The following ATP9B variants were observed in gnomAD, a reference collection of about 807,000 sequenced individuals.
The protein encoded by ATP9B is ATPase phospholipid transporting 9B.
Under a neutral mutation model 146.1 loss-of-function variants are expected in ATP9B, and 110 were observed. That is an observed-to-expected ratio of 0.75 (90% confidence interval 0.65 to 0.88). The LOEUF (loss-of-function observed/expected upper bound fraction) is 0.88. Ranked by LOEUF, ATP9B falls within the 40% of genes least tolerant of loss-of-function variation. ATP9B has a pLI of 0.00. For synonymous variants in ATP9B, 604 were observed against 569.7 expected (o/e 1.06, Z -0.86); for missense variants, 1,499 against 1,496.4 (o/e 1.00, Z -0.03).
At chr18:79,142,300 G>T (rs2094523411) in intron 5 of ATP9B, among the ~76,000 whole-genome samples, 1 of 152,184 alleles carries the variant, frequency 6.6e-6, no homozygotes, top group South Asian at 2.1e-4. Context: ...TCTCAGAAAT[G>T]TTAGATCTTA....
intron 17 of ATP9B, among the ~76,000 whole-genome samples, chr18:79,332,385 C>T (rs6506750): frequency 0.38 from 58,028 of 152,046 alleles, 11,275 homozygotes; most frequent in Middle Eastern, 0.54. Flanking sequence ...GCCAAGATCG[C>T]GACACTGCAC....
intron 7 of ATP9B, among the ~76,000 whole-genome samples, chr18:79,166,586 C>T (rs1053668001): frequency 1.3e-5 from 2 of 152,190 alleles, no homozygotes; most frequent in African/African-American, 2.4e-5. Context: ...CCAAGCCACC[C>T]ATCCCTGACT....
intron 4 of ATP9B, among the ~76,000 whole-genome samples, chr18:79,121,494 AC>A (rs1465858355): frequency 6.6e-6 from 1 of 152,142 alleles, no homozygotes; most frequent in African/African-American, 2.4e-5. Context: ...TCCTCCATAA[AC>A]CACCAATCTG....
intron 6 of ATP9B, among the ~76,000 whole-genome samples, chr18:79,149,703 CTT>C (rs1412440599): frequency 2.7e-5 from 4 of 148,644 alleles, no homozygotes; most frequent in African/African-American, 7.6e-5. Context: ...ACTCCTAAAA[CTT>C]AACAGTAAAA....
chr18:79,356,094 G>A (rs1389085600), intron 25 of ATP9B, among the ~76,000 whole-genome samples: 2 of 152,212 alleles, frequency 1.3e-5, no homozygotes, highest in Non-Finnish European at 2.9e-5. Flanking sequence ...GCGCAGAGAC[G>A]GCCACCCTGT....
At chr18:79,369,932 C>T (rs1211263696) in intron 26 of ATP9B, among the ~76,000 whole-genome samples, 1 of 152,112 alleles carries the variant, frequency 6.6e-6, no homozygotes, top group Admixed American at 6.5e-5. Context: ...AAGCCCATCT[C>T]TACTAAAAGT....
chr18:79,127,249 T>C (rs756391490), intron 5 of ATP9B, among the ~76,000 whole-genome samples: 3 of 152,202 alleles, frequency 2.0e-5, no homozygotes, highest in Non-Finnish European at 2.9e-5. Context: ...GTGTTTTTGG[T>C]GTATTCATAA....
At chr18:79,134,304 G>A (rs1457785440) in intron 5 of ATP9B, among the ~76,000 whole-genome samples, 1 of 152,152 alleles carries the variant, frequency 6.6e-6, no homozygotes, top group East Asian at 1.9e-4. Flanking sequence ...ATCTTAGAGA[G>A]TTCTGCCTCG....
At chr18:79,212,023 C>A (rs952230760) in intron 10 of ATP9B, among the ~76,000 whole-genome samples, 17 of 152,226 alleles carry the variant, frequency 1.1e-4, no homozygotes, top group African/African-American at 4.1e-4. Flanking sequence ...GTTGCCCTCT[C>A]ATGTCTCATT....
intron 13 of ATP9B, among the ~76,000 whole-genome samples, chr18:79,281,695 T>G (rs1394541498): frequency 2.0e-5 from 3 of 152,038 alleles, no homozygotes; most frequent in Non-Finnish European, 2.9e-5. Context: ...AGAAACAGTT[T>G]TAGCAATCCT....
intron 20 of ATP9B, 108 bp from the exon 21 acceptor site, chr18:79,344,157 A>G (rs1200658893): frequency 2.8e-6 from 3 of 1,059,762 alleles, no homozygotes; most frequent in East Asian, 2.6e-5. Context: ...GGTTTTAGAT[A>G]ATAACCCCAG....
At chr18:79,173,432 GTT>G (rs111326430) in intron 7 of ATP9B, among the ~76,000 whole-genome samples, 3 of 140,382 alleles carry the variant, frequency 2.1e-5, no homozygotes, top group Admixed American at 1.4e-4. Flanking sequence ...TCTTGTGGTG[GTT>G]TTTTTTTTTT....
chr18:79,230,862 A>G (rs1327690816), intron 11 of ATP9B, among the ~76,000 whole-genome samples: 2 of 152,226 alleles, frequency 1.3e-5, no homozygotes, highest in Non-Finnish European at 2.9e-5. Context: ...ATAAAGCCAA[A>G]TACTTATAGT....
chr18:79,209,589 A>G (rs2095565194), intron 10 of ATP9B: 2 of 922,490 alleles, frequency 2.2e-6, no homozygotes, highest in Non-Finnish European at 1.3e-6. Flanking sequence ...CTAGTTGGAC[A>G]CTAATGAGGC....
intron 7 of ATP9B, among the ~76,000 whole-genome samples, chr18:79,173,058 G>A (rs2095104093): frequency 6.6e-6 from 1 of 152,160 alleles, no homozygotes; most frequent in African/African-American, 2.4e-5. Flanking sequence ...GTGCTTCCTC[G>A]TGGTTTGCGT....
chr18:79,241,881 C>T (rs913363788), intron 11 of ATP9B, among the ~76,000 whole-genome samples: 13 of 152,180 alleles, frequency 8.5e-5, no homozygotes, highest in East Asian at 1.9e-4. Context: ...AGTGACCCTT[C>T]GCTGCCATCT....
chr18:79,332,213 A>T (rs1462165616), intron 17 of ATP9B, among the ~76,000 whole-genome samples: 1 of 152,110 alleles, frequency 6.6e-6, no homozygotes, highest in Non-Finnish European at 1.5e-5. Context: ...GCAGATCACG[A>T]GGTCAGGAGA....
chr18:79,174,705 G>A (rs1195476950), intron 7 of ATP9B, among the ~76,000 whole-genome samples: 1 of 152,042 alleles, frequency 6.6e-6, no homozygotes, highest in African/African-American at 2.4e-5. Context: ...TTTATATCCT[G>A]TATTTTTGTT....
At chr18:79,206,231 C>T (rs568731152) in intron 9 of ATP9B, among the ~76,000 whole-genome samples, 17 of 152,206 alleles carry the variant, frequency 1.1e-4, no homozygotes, top group Admixed American at 4.6e-4. Flanking sequence ...TGAGCCACCG[C>T]GCCCGGCCAA....
Sources: allele counts gnomAD v4.1 joint callset (sites outside exome capture counted in the v4.1 genomes callset), GRCh38; gene constraint gnomAD v4.1.1; transcripts MANE v1.5; gene names NCBI Gene and HGNC (gene_info 2026-07-23, HGNC 2026-07-21).